TNIK: variants seen among roughly 807,000 people sequenced by gnomAD.
The protein encoded by TNIK is TRAF2 and NCK-interacting protein kinase.
In TNIK, 49 loss-of-function variants were observed where a neutral mutation model predicts 191.3. The observed-to-expected ratio is 0.26, with a 90% CI of 0.20 to 0.32. The LOEUF (loss-of-function observed/expected upper bound fraction) is 0.32, where lower values mean the gene tolerates loss of function less well. Among genes scored for constraint, TNIK ranks in the 10% least tolerant of loss-of-function variants. TNIK has a pLI of 1.00. For synonymous variants in TNIK, 594 were observed against 600.9 expected (o/e 0.99, Z 0.17); for missense variants, 1,155 against 1,702.3 (o/e 0.68, Z 5.66).
At chr3:171,420,937 T>C (rs913511572) in intron 1 of TNIK, among the ~76,000 whole-genome samples, 1 of 152,162 alleles carries the variant, frequency 6.6e-6, no homozygotes, top group African/African-American at 2.4e-5. Context: ...CTCAGAACGA[T>C]GGACAATTTA....
intron 1 of TNIK, among the ~76,000 whole-genome samples, chr3:171,395,169 G>A (rs1163721951): frequency 6.6e-6 from 1 of 152,114 alleles, no homozygotes; most frequent in Non-Finnish European, 1.5e-5. Flanking sequence ...GGAAAAACTG[G>A]CACAGTAAAA....
At chr3:171,307,862 A>G (rs1753617524) in intron 2 of TNIK, among the ~76,000 whole-genome samples, 1 of 152,086 alleles carries the variant, frequency 6.6e-6, no homozygotes, top group African/African-American at 2.4e-5. Flanking sequence ...ATTCTTCACA[A>G]TTGTACAGTG....
chr3:171,243,201 T>C (rs1745190296), intron 2 of TNIK, among the ~76,000 whole-genome samples: 1 of 152,150 alleles, frequency 6.6e-6, no homozygotes, highest in Non-Finnish European at 1.5e-5. Context: ...AGTGGAGTTG[T>C]CTAACCTTGA....
At chr3:171,290,287 A>T (rs1751537642) in intron 2 of TNIK, among the ~76,000 whole-genome samples, 1 of 152,236 alleles carries the variant, frequency 6.6e-6, no homozygotes, top group Non-Finnish European at 1.5e-5. Flanking sequence ...TAACAGGAAG[A>T]AGTGTGACAT....
At chr3:171,220,703 A>AC in intron 3 of TNIK, among the ~76,000 whole-genome samples, 1 of 152,212 alleles carries the variant, frequency 6.6e-6, no homozygotes, top group Non-Finnish European at 1.5e-5. Flanking sequence ...AGGCATCTCC[A>AC]CCCCACTAGG....
intron 2 of TNIK, among the ~76,000 whole-genome samples, chr3:171,239,594 C>T (rs376803935): frequency 5.9e-5 from 9 of 152,214 alleles, no homozygotes; most frequent in African/African-American, 1.9e-4. Context: ...CCCAGATCTC[C>T]GCAAAGGCTG....
chr3:171,365,327 C>T (rs1342608353), intron 2 of TNIK, among the ~76,000 whole-genome samples: 2 of 151,498 alleles, frequency 1.3e-5, no homozygotes, highest in African/African-American at 4.8e-5. Context: ...GGATTACAGG[C>T]ATGTGCCACC....
At chr3:171,364,800 G>A (rs565463208) in intron 2 of TNIK, among the ~76,000 whole-genome samples, 1 of 152,236 alleles carries the variant, frequency 6.6e-6, no homozygotes, top group East Asian at 1.9e-4. Context: ...GGTAACATTT[G>A]AGCTGAGACC....
At chr3:171,087,857 C>T (rs565918201) in intron 23 of TNIK, among the ~76,000 whole-genome samples, 90 of 152,212 alleles carry the variant, frequency 5.9e-4, no homozygotes, top group Non-Finnish European at 1.0e-3. Flanking sequence ...ATGCACCTGC[C>T]ACTTATATAT....
intron 1 of TNIK, among the ~76,000 whole-genome samples, chr3:171,424,312 T>C (rs942533165): frequency 4.6e-5 from 7 of 152,092 alleles, no homozygotes; most frequent in East Asian, 1.9e-4. Context: ...AGAAAGGCGA[T>C]CATTAAAAAG....
chr3:171,209,172 T>TA (rs1168515724), intron 4 of TNIK, among the ~76,000 whole-genome samples: 4 of 151,516 alleles, frequency 2.6e-5, no homozygotes, highest in African/African-American at 9.7e-5. Context: ...CTAGACATTA[T>TA]AATTAAAAAA....
rs142801355 is a variant in TNIK, at chr3:171,406,375, A to G, written c.58-36690T>C. Among the ~76,000 whole-genome samples the G allele has an allele frequency of 2.4e-3, 368 of 152,306 alleles. 3 individuals carry two copies. Among genetic ancestry groups the G allele is most frequent in the African/African-American group, 8.4e-3 (348 of 41,582 alleles). On this transcript the variant is annotated intron_variant, in intron 1 of 32. Transcript: ENST00000436636. ...GAGAAGAACCCAGAGCTCGGAGGCC[A>G]TGCAGCAGGGCACCCTCCATATTGA...
At chr3:171,231,203 C>T (rs936818891) in intron 2 of TNIK, among the ~76,000 whole-genome samples, 2 of 152,186 alleles carry the variant, frequency 1.3e-5, no homozygotes, top group African/African-American at 4.8e-5. Flanking sequence ...ATTTCGAACA[C>T]AGGCAGTGGG....
At chr3:171,175,703 T>C (rs1156624205) in intron 8 of TNIK, among the ~76,000 whole-genome samples, 1 of 152,226 alleles carries the variant, frequency 6.6e-6, no homozygotes, top group Non-Finnish European at 1.5e-5. Context: ...TATTTTTAAT[T>C]AGTAAAAGCC....
intron 2 of TNIK, among the ~76,000 whole-genome samples, chr3:171,255,668 C>G (rs1746762193): frequency 6.6e-6 from 1 of 152,174 alleles, no homozygotes; most frequent in Non-Finnish European, 1.5e-5. Flanking sequence ...TGAACACGGG[C>G]AAAGGAATGT....
At chr3:171,371,613 G>A (rs1233841988) in intron 1 of TNIK, among the ~76,000 whole-genome samples, 1 of 152,102 alleles carries the variant, frequency 6.6e-6, no homozygotes, top group Non-Finnish European at 1.5e-5. Flanking sequence ...CACTCTTAAG[G>A]GACTTAGAGC....
intron 5 of TNIK, among the ~76,000 whole-genome samples, chr3:171,193,657 C>T (rs1445127127): frequency 6.6e-6 from 1 of 152,166 alleles, no homozygotes; most frequent in African/African-American, 2.4e-5. Flanking sequence ...CCACCCAAAG[C>T]ATACAATCTA....
chr3:171,452,761 CACACACACACAT>C (rs1483324542), intron 1 of TNIK, among the ~76,000 whole-genome samples: 2 of 150,874 alleles, frequency 1.3e-5, no homozygotes, highest in Admixed American at 1.3e-4. Flanking sequence ...CACACACACA[CACACACACACAT>C]ACGCCTTGCA....
chr3:171,203,169 A>G (rs1190186166), intron 4 of TNIK, among the ~76,000 whole-genome samples: 2 of 152,232 alleles, frequency 1.3e-5, no homozygotes, highest in African/African-American at 4.8e-5. Flanking sequence ...AAATGTTAAA[A>G]CAATCAAAAT....
Sources: gnomAD v4.1 joint callset for allele counts (sites outside exome capture counted in the v4.1 genomes callset) on GRCh38, gnomAD v4.1.1 for gene constraint, MANE v1.5 for transcripts, NCBI Gene and HGNC (gene_info 2026-07-23, HGNC 2026-07-21) for gene names.